Variants in ADGRG7 observed in about 807,000 individuals in gnomAD.
ADGRG7 encodes G-protein coupled receptor 128.
A neutral mutation model predicts 88.6 loss-of-function variants in ADGRG7; 82 were observed. The ratio of observed to expected loss-of-function variants is 0.93; its 90% CI spans 0.77 to 1.11. The LOEUF is 1.11. Among genes scored for constraint, ADGRG7 ranks in the 50% most tolerant of loss-of-function variants. The pLI is 0.00. For missense variants in ADGRG7, 945 were observed against 953.4 expected, an observed-to-expected ratio of 0.99 and a Z score of 0.12; for synonymous variants, 381 against 345.2, an observed-to-expected ratio of 1.10 and a Z score of -1.15.
intron 15 of ADGRG7, among the ~76,000 whole-genome samples, chr3:100,694,185 T>C (rs1273362901): frequency 6.6e-6 from 1 of 152,240 alleles, no homozygotes; most frequent in East Asian, 1.9e-4. Flanking sequence ...GATACTGATA[T>C]GACTTCTATA....
chr3:100,692,768 G>T (rs2094996071), intron 15 of ADGRG7, among the ~76,000 whole-genome samples: 1 of 152,090 alleles, frequency 6.6e-6, no homozygotes, highest in Non-Finnish European at 1.5e-5. Flanking sequence ...TTGTAAAATG[G>T]ATCTGAATAT....
At chr3:100,636,455 A>G (rs1707542478) in intron 5 of ADGRG7, among the ~76,000 whole-genome samples, 1 of 152,210 alleles carries the variant, frequency 6.6e-6, no homozygotes. Flanking sequence ...TACATTCCTG[A>G]TATTTTAATT....
Position 100,643,338 on chromosome 3 carries a change from A to C in ADGRG7, c.771A>C (p.Ile257=). The C allele has an allele frequency of 6.2e-7, 1 of 1,614,092 alleles. No homozygotes were observed. Among genetic ancestry groups the C allele is most frequent in the Non-Finnish European group, 8.5e-7 (1 of 1,179,932 alleles). ...NQSVVEPNIA[I]QSANFSSENA... is the part of the protein sequence containing the mutation. ...CAGTGGTGGAACCTAACATAGCAAT[A>C]CAGTCAGCAAATTTCTCTTCAGAAA... Residue 257 remains isoleucine, a synonymous_variant, in exon 7 of 16, where the codon ATA becomes ATC. Coordinates refer to ENST00000273352, the MANE Select transcript of ADGRG7 (RefSeq NM_032787.3).
intron 4 of ADGRG7, among the ~76,000 whole-genome samples, chr3:100,634,154 T>C (rs1707497442): frequency 6.6e-6 from 1 of 152,338 alleles, no homozygotes; most frequent in South Asian, 2.1e-4. Context: ...TAAATTATTT[T>C]GACCAAAGTT....
intron 15 of ADGRG7, among the ~76,000 whole-genome samples, chr3:100,669,652 A>C (rs2094956003): frequency 6.6e-6 from 1 of 152,076 alleles, no homozygotes; most frequent in South Asian, 2.1e-4. Flanking sequence ...ACTTCAGGGT[A>C]AATGGGGTAC....
intron 15 of ADGRG7, among the ~76,000 whole-genome samples, chr3:100,687,914 C>G (rs921804880): frequency 6.6e-6 from 1 of 152,186 alleles, no homozygotes; most frequent in African/African-American, 2.4e-5. Flanking sequence ...GGAGGATTCC[C>G]TCTTTTTCTA....
chr3:100,667,965 G>T lies in ADGRG7; in HGVS notation c.1980-984G>T, dbSNP rs190299705. ...TCCTGGTTTGTGGGTTTCAAAGACC[G>T]TGGGACAAGCGCAGTATCTGTGTGG... On this transcript the variant is annotated intron_variant, in intron 14 of 15. Coordinates refer to ENST00000273352, the MANE Select transcript of ADGRG7 (RefSeq NM_032787.3). Among the ~76,000 whole-genome samples, 704 of 152,318 alleles carry T rather than the reference G, an allele frequency of 4.6e-3. 9 individuals carry two copies. Among genetic ancestry groups the T allele is most frequent in the African/African-American group, 0.016 (672 of 41,578 alleles).
At chr3:100,676,456 A>G (rs1056997481) in intron 15 of ADGRG7, among the ~76,000 whole-genome samples, 1 of 152,124 alleles carries the variant, frequency 6.6e-6, no homozygotes. Context: ...CGTTGTGGTC[A>G]GAGAAGATAC....
At position 100,646,062 on chromosome 3, in the gene ADGRG7, A is replaced by G. The variant is rs1707738514; in HGVS notation, c.1064A>G (p.Asn355Ser). The part of the protein sequence containing the change: ...QKIISSKTDE[N>S]EQDQSASVDM... ...ATTATCTCAAGCAAAACTGATGAAA[A>G]TGAGCAAGATCAGAGTGCTTCTGTT... The change falls in exon 9 of 16, where the codon AAT becomes AGT. Residue 355 changes from asparagine (N) to serine (S), a missense_variant. Asn to Ser is a conservative substitution (Grantham distance 46). Transcript: ENST00000273352. 6.2e-7 allele frequency: 1 copy of G among 1,614,092 alleles called. No homozygotes were observed.
rs116481126 is a variant in ADGRG7 at position 100,609,952 on chromosome 3, T to C, written c.96T>C (p.Ile32=). 1.9e-6 allele frequency: 3 copies of C among 1,613,328 alleles called. No individual in the cohort carries two copies. Among genetic ancestry groups the C allele is most frequent in the African/African-American group, 2.7e-5 (2 of 75,026 alleles). The change falls in exon 1 of 16, where the codon ATT becomes ATC. Residue 32 remains isoleucine (I), a synonymous_variant. Coordinates refer to ENST00000273352, the MANE Select transcript of ADGRG7 (RefSeq NM_032787.3). ...GIILGLGIWR[I]VIRIQRGKST... ...TTTTGGGACTGGGCATCTGGAGGAT[T>C]GTGATCAGGATCCAAAGAGGTAATG...
chr3:100,655,800 C>T (rs2094936792), intron 12 of ADGRG7, 99 bp from the exon 13 acceptor site: 2 of 728,762 alleles, frequency 2.7e-6, no homozygotes, highest in African/African-American at 3.5e-5. Flanking sequence ...AAACAACATA[C>T]ATCCTGAAGA....
At chr3:100,645,838 T>C in intron 8 of ADGRG7, 107 bp from the exon 9 acceptor site, 1 of 988,472 alleles carries the variant, frequency 1.0e-6, no homozygotes, top group Non-Finnish European at 1.5e-6. Flanking sequence ...TTTACTGTAC[T>C]TTACTCAAAT....
intron 1 of ADGRG7, among the ~76,000 whole-genome samples, chr3:100,620,785 A>T (rs1158071707): frequency 6.6e-6 from 1 of 152,140 alleles, no homozygotes; most frequent in Non-Finnish European, 1.5e-5. Context: ...AGAAGAAAGT[A>T]AATGCAATAC....
chr3:100,690,774 C>A (rs1011101619), intron 15 of ADGRG7, among the ~76,000 whole-genome samples: 6 of 152,216 alleles, frequency 3.9e-5, no homozygotes, highest in Admixed American at 3.3e-4. Flanking sequence ...GTCAGTCCGC[C>A]CCTACTTGGG....
chr3:100,688,084 C>T (rs1367464561), intron 15 of ADGRG7, among the ~76,000 whole-genome samples: 2 of 152,160 alleles, frequency 1.3e-5, no homozygotes, highest in Non-Finnish European at 2.9e-5. Context: ...AGGGATTCAA[C>T]TTCTTCCTGG....
chr3:100,623,894 G>A (rs1707346534), intron 1 of ADGRG7, among the ~76,000 whole-genome samples: 1 of 152,050 alleles, frequency 6.6e-6, no homozygotes, highest in South Asian at 2.1e-4. Context: ...TCCTTTTTAT[G>A]GCTGCATAGT....
chr3:100,649,881 A>G, intron 11 of ADGRG7, 74 bp downstream of exon 11: 1 of 832,104 alleles, frequency 1.2e-6, no homozygotes, highest in East Asian at 2.5e-5. Context: ...AATTCTCATG[A>G]GTAGTGTCTT....
At chr3:100,685,528 C>A (rs1369702219) in intron 15 of ADGRG7, among the ~76,000 whole-genome samples, 1 of 152,106 alleles carries the variant, frequency 6.6e-6, no homozygotes, top group East Asian at 1.9e-4. Context: ...CTTCCCCTCC[C>A]CGCACCCCAC....
intron 15 of ADGRG7, 60 bp from the exon 16 acceptor site, chr3:100,694,684 G>T: frequency 6.7e-7 from 1 of 1,499,528 alleles, no homozygotes. Context: ...GAAATAAAAT[G>T]TCTTCCTTGA....
Sources: gnomAD v4.1 joint callset for allele counts (sites outside exome capture counted in the v4.1 genomes callset) on GRCh38, gnomAD v4.1.1 for gene constraint, MANE v1.5 for transcripts, NCBI Gene and HGNC (gene_info 2026-07-23, HGNC 2026-07-21) for gene names.